The following PGCKA1 variants were observed in gnomAD, a reference collection of about 807,000 sequenced individuals.
PGCKA1 encodes PDCD10 and GCKIII kinases-associated protein 1.
the PGCKA1 span, among the ~76,000 whole-genome samples, chr4:37,549,579 T>C: frequency 1.3e-5 from 2 of 152,136 alleles, no homozygotes; most frequent in African/African-American, 4.8e-5. Flanking sequence ...AAGGACATCA[T>C]TAGCTAATAA....
At chr4:37,554,070 G>A in the PGCKA1 span, among the ~76,000 whole-genome samples, 1 of 152,090 alleles carries the variant, frequency 6.6e-6, no homozygotes, top group Admixed American at 6.5e-5. Context: ...CATGGGGGTG[G>A]GTTTTTCCCG....
the PGCKA1 span, chr4:37,461,119 C>G: frequency 1.5e-5 from 3 of 198,346 alleles, 1 homozygote; most frequent in South Asian, 2.2e-4. Flanking sequence ...TTGTTTTTGT[C>G]AGGTTTATTG....
the PGCKA1 span, among the ~76,000 whole-genome samples, chr4:37,514,129 T>C: frequency 6.6e-6 from 1 of 152,214 alleles, no homozygotes; most frequent in Non-Finnish European, 1.5e-5. Flanking sequence ...GACTTAATTT[T>C]GAAACCAGGT....
the PGCKA1 span, among the ~76,000 whole-genome samples, chr4:37,543,450 T>C: frequency 1.3e-5 from 2 of 152,240 alleles, no homozygotes; most frequent in Non-Finnish European, 2.9e-5. Context: ...TTGAATGTTC[T>C]GTATACCTAC....
the PGCKA1 span, among the ~76,000 whole-genome samples, chr4:37,547,236 G>A: frequency 0.016 from 2,488 of 152,266 alleles, 73 homozygotes; most frequent in African/African-American, 0.056. Context: ...TGCCTCTACC[G>A]GCACTTTGGT....
At chr4:37,503,791 G>A in the PGCKA1 span, among the ~76,000 whole-genome samples, 3 of 152,034 alleles carry the variant, frequency 2.0e-5, no homozygotes, top group Non-Finnish European at 2.9e-5. Flanking sequence ...TTTTTTAATC[G>A]AATTCTTAGA....
the PGCKA1 span, among the ~76,000 whole-genome samples, chr4:37,589,663 G>A: frequency 3.3e-5 from 5 of 151,944 alleles, no homozygotes; most frequent in African/African-American, 1.2e-4. Context: ...AGACTGTCTC[G>A]CTCTGTCATC....
the PGCKA1 span, among the ~76,000 whole-genome samples, chr4:37,472,164 AGT>A: frequency 6.6e-6 from 1 of 152,206 alleles, no homozygotes; most frequent in Non-Finnish European, 1.5e-5. Flanking sequence ...ACAGTCATGC[AGT>A]TAGGCTTGAG....
At chr4:37,479,833 T>G in the PGCKA1 span, among the ~76,000 whole-genome samples, 6 of 152,202 alleles carry the variant, frequency 3.9e-5, no homozygotes, top group Non-Finnish European at 8.8e-5. Context: ...TAATCAGACC[T>G]AAACTTAGAC....
chr4:37,509,383 G>A, the PGCKA1 span, among the ~76,000 whole-genome samples: 1,564 of 139,778 alleles, frequency 0.011, 97 homozygotes, highest in African/African-American at 0.041. Flanking sequence ...GGGCAGAGGC[G>A]TTCCTCACAT....
At chr4:37,538,820 A>G in the PGCKA1 span, among the ~76,000 whole-genome samples, 1 of 152,364 alleles carries the variant, frequency 6.6e-6, no homozygotes, top group South Asian at 2.1e-4. Flanking sequence ...AGATAAAATC[A>G]AATTCATCTC....
chr4:37,588,999 G>C, the PGCKA1 span: 1 of 871,450 alleles, frequency 1.1e-6, no homozygotes, highest in Admixed American at 1.9e-5. Flanking sequence ...TATCCAGCTT[G>C]GGGCATGATC....
chr4:37,482,271 T>A, the PGCKA1 span, among the ~76,000 whole-genome samples: 1 of 152,118 alleles, frequency 6.6e-6, no homozygotes. Context: ...TGTGGGAAAG[T>A]TGGGAACTTC....
the PGCKA1 span, among the ~76,000 whole-genome samples, chr4:37,503,855 T>C: frequency 6.6e-6 from 1 of 152,348 alleles, no homozygotes; most frequent in Middle Eastern, 3.4e-3. Context: ...TGGTTATTAA[T>C]CCCTTGCCAG....
the PGCKA1 span, among the ~76,000 whole-genome samples, chr4:37,456,603 A>C: frequency 6.6e-6 from 1 of 152,218 alleles, no homozygotes; most frequent in East Asian, 1.9e-4. Flanking sequence ...TTCAGTGTAC[A>C]AGTGGTTCTA....
the PGCKA1 span, among the ~76,000 whole-genome samples, chr4:37,562,727 G>A: frequency 2.7e-4 from 41 of 152,080 alleles, no homozygotes; most frequent in African/African-American, 2.4e-5. Context: ...TTTGAATCTA[G>A]TACTTATGAC....
the PGCKA1 span, among the ~76,000 whole-genome samples, chr4:37,577,657 G>GT: frequency 5.9e-5 from 9 of 152,062 alleles, no homozygotes; most frequent in Non-Finnish European, 1.2e-4. Context: ...TTTATTCCAA[G>GT]TTTTTCTTTG....
At chr4:37,522,278 G>A in the PGCKA1 span, among the ~76,000 whole-genome samples, 1 of 152,092 alleles carries the variant, frequency 6.6e-6, no homozygotes, top group Non-Finnish European at 1.5e-5. Context: ...GGCTGAGGTG[G>A]CACCTAGACC....
the PGCKA1 span, among the ~76,000 whole-genome samples, chr4:37,493,094 A>G: frequency 1.3e-5 from 2 of 152,172 alleles, no homozygotes; most frequent in Non-Finnish European, 2.9e-5. Flanking sequence ...ATATGTATTT[A>G]TGTGTATATA....
Sources: gnomAD v4.1 joint callset for allele counts (sites outside exome capture counted in the v4.1 genomes callset) on GRCh38, gnomAD v4.1.1 for gene constraint, MANE v1.5 for transcripts, NCBI Gene and HGNC (gene_info 2026-07-23, HGNC 2026-07-21) for gene names.